Variants in TRPC4 observed in about 807,000 individuals in gnomAD.
TRPC4 encodes the protein short transient receptor potential channel 4.
TRPC4 carries 49 observed loss-of-function variants against 99.4 expected under a neutral mutation model. The observed-to-expected ratio is 0.49, with a 90% CI of 0.39 to 0.63. TRPC4 has a LOEUF of 0.63. Among genes scored for constraint, TRPC4 ranks in the 20% least tolerant of loss-of-function variants. The pLI, the probability that TRPC4 is intolerant of heterozygous loss-of-function variation, is 0.00. For synonymous variants in TRPC4, 454 were observed against 425.9 expected (o/e 1.07, Z -0.81); for missense variants, 898 against 1,152.9 (o/e 0.78, Z 3.20).
intron 2 of TRPC4, among the ~76,000 whole-genome samples, chr13:37,756,156 G>A (rs1003106944): frequency 6.6e-6 from 1 of 152,072 alleles, no homozygotes; most frequent in African/African-American, 2.4e-5. Flanking sequence ...ACATATGTGT[G>A]TATATGTATG....
intron 8 of TRPC4, among the ~76,000 whole-genome samples, chr13:37,644,091 T>C (rs1198879749): frequency 1.3e-5 from 2 of 152,226 alleles, no homozygotes; most frequent in Non-Finnish European, 2.9e-5. Flanking sequence ...CAACTCATAA[T>C]ATATGTACTC....
At chr13:37,751,483 G>T (rs1338001775) in intron 2 of TRPC4, among the ~76,000 whole-genome samples, 1 of 152,018 alleles carries the variant, frequency 6.6e-6, no homozygotes, top group Admixed American at 6.6e-5. Context: ...CTTTAATAAA[G>T]GAAAAGGGGA....
chr13:37,702,900 G>C (rs979034925), intron 3 of TRPC4, among the ~76,000 whole-genome samples: 1 of 152,050 alleles, frequency 6.6e-6, no homozygotes, highest in Non-Finnish European at 1.5e-5. Context: ...ACATTGCTTA[G>C]ACAAAAGAGG....
At chr13:37,836,920 A>T (rs1159523011) in intron 1 of TRPC4, among the ~76,000 whole-genome samples, 1 of 152,214 alleles carries the variant, frequency 6.6e-6, no homozygotes, top group Admixed American at 6.5e-5. Flanking sequence ...TTAATGGGCC[A>T]GGCCCAGAGT....
intron 2 of TRPC4, among the ~76,000 whole-genome samples, chr13:37,762,883 TAAAAA>T (rs931548318): frequency 1.3e-5 from 2 of 150,522 alleles, no homozygotes; most frequent in Non-Finnish European, 3.0e-5. Flanking sequence ...TAAAATAAAA[TAAAAA>T]AAAGACACTA....
At chr13:37,684,317 C>T (rs182174123) in intron 4 of TRPC4, among the ~76,000 whole-genome samples, 19 of 152,076 alleles carry the variant, frequency 1.2e-4, no homozygotes, top group Admixed American at 7.2e-4. Context: ...ATTATTTTAA[C>T]ATTTTGAGAA....
intron 1 of TRPC4, among the ~76,000 whole-genome samples, chr13:37,855,379 A>G (rs1230977495): frequency 6.8e-6 from 1 of 146,272 alleles, no homozygotes; most frequent in Non-Finnish European, 1.5e-5. Context: ...TAAAGCACCC[A>G]GATAGAAAAA....
At chr13:37,641,740 G>T (rs1327774060) in intron 8 of TRPC4, among the ~76,000 whole-genome samples, 1 of 152,102 alleles carries the variant, frequency 6.6e-6, no homozygotes, top group Non-Finnish European at 1.5e-5. Context: ...AGCTGACTGT[G>T]CCTAGTCAGG....
chr13:37,836,455 A>G (rs539500684), intron 1 of TRPC4, among the ~76,000 whole-genome samples: 58 of 152,152 alleles, frequency 3.8e-4, no homozygotes, highest in Admixed American at 1.0e-3. Flanking sequence ...AGTGATATGG[A>G]CAATGAAATC....
At chr13:37,827,932 G>A (rs1323232820) in intron 1 of TRPC4, among the ~76,000 whole-genome samples, 1 of 152,180 alleles carries the variant, frequency 6.6e-6, no homozygotes, top group East Asian at 1.9e-4. Flanking sequence ...AGACTCCATG[G>A]GCGTAGGACC....
At chr13:37,761,884 T>C (rs1004446328) in intron 2 of TRPC4, among the ~76,000 whole-genome samples, 1 of 150,666 alleles carries the variant, frequency 6.6e-6, no homozygotes, top group African/African-American at 2.5e-5. Flanking sequence ...AGGTTTAGAA[T>C]GCATGCTTTT....
chr13:37,679,540 A>G (rs1953167878), intron 4 of TRPC4, among the ~76,000 whole-genome samples: 1 of 152,158 alleles, frequency 6.6e-6, no homozygotes. Context: ...GTGAAAATAA[A>G]CAATGACTAT....
At chr13:37,784,864 T>C (rs1365785338) in intron 1 of TRPC4, among the ~76,000 whole-genome samples, 1 of 152,106 alleles carries the variant, frequency 6.6e-6, no homozygotes, top group Non-Finnish European at 1.5e-5. Context: ...TTCATCATGA[T>C]TTCTAAAGTA....
At position 37,663,449 on chromosome 13, in the gene TRPC4, A is replaced by G. The variant is rs774293301; in HGVS notation, c.1655T>C (p.Ile552Thr). ...TGCATTATTCTGCTTTTCACATCTTATGCCTTTGCAGGTTAACCCTTTCGT... is the reference window on the plus strand; with the variant it reads ...TGCATTATTCTGCTTTTCACATCTTGTGCCTTTGCAGGTTAACCCTTTCGT... ...EETKGLTCKGIRCEKQNNAFS... is the reference protein window; with the variant it reads ...EETKGLTCKGTRCEKQNNAFS... The change falls in exon 6 of 11, where the codon ATA becomes ACA. Residue 552 changes from isoleucine to threonine, a missense_variant. By Grantham distance (89) the Ile-to-Thr change is moderately conservative (BLOSUM62 -1). Around this residue, in one of 3 missense-constraint regions of TRPC4, gnomAD observed 274 missense variants for 454.9 expected, o/e 0.60. Transcript: ENST00000379705. 9.9e-6 allele frequency: 16 copies of G among 1,613,856 alleles called. 1 individual carries two copies. The South Asian group carries it at 1.8e-4, about 18-fold the overall frequency.
At chr13:37,666,836 A>G (rs541347532) in intron 5 of TRPC4, among the ~76,000 whole-genome samples, 17 of 152,140 alleles carry the variant, frequency 1.1e-4, no homozygotes, top group African/African-American at 3.6e-4. Context: ...TCATTTTTCA[A>G]GCTTCCTCTC....
intron 3 of TRPC4, among the ~76,000 whole-genome samples, chr13:37,743,010 A>G (rs781129709): frequency 3.3e-5 from 5 of 152,148 alleles, no homozygotes; most frequent in Non-Finnish European, 7.4e-5. Flanking sequence ...AGTAAATGCA[A>G]GATACTCCAG....
intron 1 of TRPC4, among the ~76,000 whole-genome samples, chr13:37,842,452 G>T (rs974116265): frequency 4.0e-5 from 6 of 151,470 alleles, no homozygotes; most frequent in Admixed American, 6.6e-5. Flanking sequence ...GAAAGAGTTG[G>T]TGATTCTTCC....
intron 3 of TRPC4, among the ~76,000 whole-genome samples, chr13:37,739,703 G>A (rs9532111): frequency 0.32 from 47,736 of 151,440 alleles, 8,845 homozygotes; most frequent in East Asian, 0.76. Flanking sequence ...ACAGGGTTTC[G>A]CTTTGTTGGA....
chr13:37,721,334 T>C (rs1954861568), intron 3 of TRPC4, among the ~76,000 whole-genome samples: 1 of 152,202 alleles, frequency 6.6e-6, no homozygotes. Context: ...AAGTCATTTA[T>C]TGAAATGCAA....
Sources: allele counts gnomAD v4.1 joint callset (sites outside exome capture counted in the v4.1 genomes callset), GRCh38; gene constraint gnomAD v4.1.1; regional missense constraint gnomAD v4.1.1; transcripts MANE v1.5; gene names NCBI Gene and HGNC (gene_info 2026-07-23, HGNC 2026-07-21).